Variants in SERINC5 observed in about 807,000 individuals in gnomAD.
The protein encoded by SERINC5 is chromosome 5 open reading frame 12.
A neutral mutation model predicts 63.1 loss-of-function variants in SERINC5; 41 were observed. The observed-to-expected ratio is 0.65, with a 90% CI of 0.51 to 0.84. The LOEUF (loss-of-function observed/expected upper bound fraction) is 0.84. Among genes scored for constraint, SERINC5 ranks in the 40% least tolerant of loss-of-function variants. The pLI, the probability that SERINC5 is intolerant of heterozygous loss-of-function variation, is 0.00. For synonymous variants in SERINC5, 222 were observed against 215.2 expected (o/e 1.03, Z -0.28); for missense variants, 523 against 573.0 (o/e 0.91, Z 0.89).
intron 11 of SERINC5, among the ~76,000 whole-genome samples, chr5:80,122,487 C>T (rs1744588515): frequency 6.6e-6 from 1 of 152,000 alleles, no homozygotes; most frequent in South Asian, 2.1e-4. Flanking sequence ...TTGGCAATAC[C>T]CTCACAGACA....
chr5:80,195,155 G>A (rs1299956377), intron 2 of SERINC5, among the ~76,000 whole-genome samples: 1 of 151,948 alleles, frequency 6.6e-6, no homozygotes, highest in African/African-American at 2.4e-5. Flanking sequence ...GTGTGATGGT[G>A]CATGCCTGTA....
At chr5:80,149,526 G>A (rs981452415) in intron 9 of SERINC5, among the ~76,000 whole-genome samples, 2 of 152,136 alleles carry the variant, frequency 1.3e-5, no homozygotes, top group Admixed American at 1.3e-4. Context: ...CTATTAAAAC[G>A]CAGGCAGTGG....
chr5:80,195,019 GC>G (rs1749412462), intron 2 of SERINC5, among the ~76,000 whole-genome samples: 2 of 152,248 alleles, frequency 1.3e-5, no homozygotes, highest in South Asian at 4.2e-4. Context: ...AGGTGTGGTG[GC>G]TCACACCTGT....
chr5:80,188,713 C>A (rs899036717), intron 2 of SERINC5, among the ~76,000 whole-genome samples: 3 of 152,122 alleles, frequency 2.0e-5, no homozygotes, highest in African/African-American at 7.2e-5. Flanking sequence ...CAGTGAGAGA[C>A]CCCGTCTCTA....
At chr5:80,178,211 A>T in intron 2 of SERINC5, 147 bp from the exon 3 acceptor site, 1 of 506,254 alleles carries the variant, frequency 2.0e-6, no homozygotes, top group South Asian at 3.8e-5. Flanking sequence ...TTCTAAAGAG[A>T]TATTTTTCTA....
intron 2 of SERINC5, among the ~76,000 whole-genome samples, chr5:80,193,287 C>A (rs1749311202): frequency 6.6e-6 from 1 of 152,166 alleles, no homozygotes; most frequent in Non-Finnish European, 1.5e-5. Flanking sequence ...ACTTTTTCTT[C>A]CATTCTTCGT....
At chr5:80,111,965 C>T (rs1034475972) in intron 12 of SERINC5, among the ~76,000 whole-genome samples, 16 of 152,202 alleles carry the variant, frequency 1.1e-4, no homozygotes, top group Non-Finnish European at 1.3e-4. Context: ...TAAAAGTCAT[C>T]GCCATTCTCC....
Position 80,138,937 on chromosome 5 carries a change from G to C in SERINC5, c.*4726C>G. 2.1e-6 allele frequency: 2 copies of C among 973,806 alleles called. No homozygotes were observed. The highest frequency in any genetic ancestry group is 1.1e-4 in the East Asian group (1 of 8,770). The allele number at this position is 973,806 out of a possible 1,614,324, so 60.3% of individuals were successfully genotyped here. On this transcript the variant is annotated 3_prime_UTR_variant, in exon 12 of 12. Transcript: ENST00000507668. Reference sequence around the variant, plus strand: ...TTAAAGTACAGAGTTAACAAGTTTTGAGTTTTTTATATAGGAAAAGCCTAG... The same window carrying C: ...TTAAAGTACAGAGTTAACAAGTTTTCAGTTTTTTATATAGGAAAAGCCTAG...
intron 1 of SERINC5, among the ~76,000 whole-genome samples, chr5:80,245,087 ATTTCC>A (rs1467621684): frequency 2.0e-5 from 3 of 152,006 alleles, no homozygotes; most frequent in Non-Finnish European, 2.9e-5. Flanking sequence ...CCTTCACTTA[ATTTCC>A]TTTATTTCCC....
chr5:80,245,177 G>A (rs989773446), intron 1 of SERINC5, among the ~76,000 whole-genome samples: 4 of 152,046 alleles, frequency 2.6e-5, no homozygotes, highest in South Asian at 4.1e-4. Flanking sequence ...TTTCCTTCTC[G>A]TACTACAGCT....
At chr5:80,119,262 G>A (rs1744450095) in intron 11 of SERINC5, among the ~76,000 whole-genome samples, 1 of 152,184 alleles carries the variant, frequency 6.6e-6, no homozygotes, top group South Asian at 2.1e-4. Context: ...AAGCTCTTAA[G>A]AGCTGGAGTT....
At chr5:80,150,265 G>A (rs914256299) in intron 9 of SERINC5, among the ~76,000 whole-genome samples, 2 of 152,082 alleles carry the variant, frequency 1.3e-5, no homozygotes, top group African/African-American at 2.4e-5. Context: ...ACTCCACTAC[G>A]GCAAGGGAAG....
At chr5:80,174,852 G>A (rs1747924948) in intron 5 of SERINC5, 102 bp downstream of exon 5, 1 of 714,872 alleles carries the variant, frequency 1.4e-6, no homozygotes, top group Non-Finnish European at 2.3e-6. Flanking sequence ...GGTATAAAGG[G>A]AAACAAAACT....
intron 7 of SERINC5, among the ~76,000 whole-genome samples, chr5:80,159,395 G>A (rs182412680): frequency 6.6e-6 from 1 of 151,806 alleles, no homozygotes; most frequent in Non-Finnish European, 1.5e-5. Flanking sequence ...TATGATAATC[G>A]TGGTATCTTT....
At chr5:80,166,012 G>C (rs1241150206) in intron 7 of SERINC5, among the ~76,000 whole-genome samples, 1 of 152,134 alleles carries the variant, frequency 6.6e-6, no homozygotes, top group Non-Finnish European at 1.5e-5. Flanking sequence ...TGTGGTACAT[G>C]AGATGTTTTA....
At chr5:80,116,936 C>G (rs1246827676) in intron 11 of SERINC5, among the ~76,000 whole-genome samples, 2 of 151,908 alleles carry the variant, frequency 1.3e-5, no homozygotes, top group Non-Finnish European at 2.9e-5. Context: ...TCAACTGATT[C>G]TCCTGCCTCA....
At chr5:80,156,612 C>T (rs1381356220) in intron 8 of SERINC5, among the ~76,000 whole-genome samples, 1 of 152,200 alleles carries the variant, frequency 6.6e-6, no homozygotes, top group Non-Finnish European at 1.5e-5. Flanking sequence ...CCACCATACA[C>T]TGCAGTTTTG....
At chr5:80,219,267 G>A (rs186902782) in intron 1 of SERINC5, among the ~76,000 whole-genome samples, 5 of 152,298 alleles carry the variant, frequency 3.3e-5, no homozygotes, top group African/African-American at 4.8e-5. Flanking sequence ...GCCTGGTAGT[G>A]CCATGAAAGT....
chr5:80,143,369 T>C lies in SERINC5; in HGVS notation c.*294A>G, dbSNP rs753257800. 1.2e-5 allele frequency: 13 copies of C among 1,111,028 alleles called. No individual in the cohort carries two copies. Among genetic ancestry groups the C allele is most frequent in the Non-Finnish European group, 1.3e-5 (12 of 911,010 alleles). 68.8% of individuals were successfully genotyped at this position (1,111,028 alleles called of 1,614,324 possible). ...AAAAGATGCTGTGCCCCAAATTCTG[T>C]TTTGGCAAAAACATGCAGAAGGAAG... On this transcript the variant is annotated 3_prime_UTR_variant, in exon 12 of 12. Coordinates refer to ENST00000507668, the MANE Select transcript of SERINC5 (RefSeq NM_001174072.3).
Sources: gnomAD v4.1 joint callset for allele counts (sites outside exome capture counted in the v4.1 genomes callset) on GRCh38, gnomAD v4.1.1 for gene constraint, MANE v1.5 for transcripts, NCBI Gene and HGNC (gene_info 2026-07-23, HGNC 2026-07-21) for gene names.